OPCML: variants seen among roughly 807,000 people sequenced by gnomAD.
OPCML encodes opioid binding protein/cell adhesion molecule like.
Under a neutral mutation model 37.8 loss-of-function variants are expected in OPCML, and 13 were observed. The observed-to-expected ratio is 0.34, with a 90% CI of 0.22 to 0.55. OPCML has a LOEUF of 0.55. OPCML is among the 20% of genes least tolerant of loss of function. The pLI, the probability that OPCML is intolerant of heterozygous loss-of-function variation, is 0.91. For synonymous variants in OPCML, 176 were observed against 168.8 expected (o/e 1.04, Z -0.33); for missense variants, 341 against 435.6 (o/e 0.78, Z 1.93).
intron 1 of OPCML, among the ~76,000 whole-genome samples, chr11:133,209,651 G>A (rs1939267819): frequency 6.6e-6 from 1 of 152,128 alleles, no homozygotes; most frequent in East Asian, 1.9e-4. Flanking sequence ...TAACCACCCG[G>A]CTCCTAACAC....
At chr11:132,623,366 AAAC>A (rs975848938) in intron 3 of OPCML, among the ~76,000 whole-genome samples, 4 of 152,008 alleles carry the variant, frequency 2.6e-5, no homozygotes, top group African/African-American at 9.7e-5. Context: ...GGGACGTTAA[AAAC>A]AACAACAAAA....
intron 1 of OPCML, among the ~76,000 whole-genome samples, chr11:133,089,066 T>C (rs1021673442): frequency 1.3e-5 from 2 of 152,186 alleles, no homozygotes; most frequent in African/African-American, 2.4e-5. Context: ...ATTTGACCCA[T>C]AATATAGAAT....
At chr11:132,634,041 G>A (rs1940326986) in intron 3 of OPCML, among the ~76,000 whole-genome samples, 1 of 152,144 alleles carries the variant, frequency 6.6e-6, no homozygotes, top group Non-Finnish European at 1.5e-5. Flanking sequence ...TACAGACACA[G>A]CAGTATTTAG....
At chr11:132,569,299 C>G (rs957860610) in intron 3 of OPCML, among the ~76,000 whole-genome samples, 4 of 152,180 alleles carry the variant, frequency 2.6e-5, no homozygotes, top group Non-Finnish European at 4.4e-5. Context: ...CCATGAGGCG[C>G]AGGGAGAAGA....
chr11:132,872,385 C>T (rs930915883), intron 2 of OPCML, among the ~76,000 whole-genome samples: 3 of 152,088 alleles, frequency 2.0e-5, no homozygotes, highest in African/African-American at 7.2e-5. Context: ...CCAAACGAAT[C>T]GCGGATCGAA....
chr11:132,755,954 G>T (rs1213962786), intron 2 of OPCML, among the ~76,000 whole-genome samples: 1 of 152,160 alleles, frequency 6.6e-6, no homozygotes, highest in African/African-American at 2.4e-5. Flanking sequence ...GCAAAAGGAA[G>T]TCTGTCCAGC....
intron 1 of OPCML, among the ~76,000 whole-genome samples, chr11:133,185,529 G>C (rs1278920731): frequency 6.6e-6 from 1 of 152,152 alleles, no homozygotes; most frequent in African/African-American, 2.4e-5. Flanking sequence ...GGGTTCGGAG[G>C]GTGAAGAACT....
chr11:133,045,439 A>G (rs1468166604), intron 1 of OPCML, among the ~76,000 whole-genome samples: 3 of 152,188 alleles, frequency 2.0e-5, no homozygotes, highest in Non-Finnish European at 2.9e-5. Flanking sequence ...ATTCCTTCCA[A>G]AGCACAAGGT....
intron 1 of OPCML, among the ~76,000 whole-genome samples, chr11:133,019,341 A>C (rs1947405592): frequency 6.6e-6 from 1 of 152,148 alleles, no homozygotes; most frequent in Admixed American, 6.5e-5. Context: ...CAGAGATAAG[A>C]TAGTTGAGGC....
rs545720729 is a variant in OPCML at position 132,524,423 on chromosome 11, G to A, written c.505+4638C>T. Among the ~76,000 whole-genome samples, 16 of 152,214 alleles carry A rather than the reference G, an allele frequency of 1.1e-4. No homozygotes were observed. The South Asian group carries it at 3.1e-3, about 30-fold the overall frequency. On this transcript the variant is annotated intron_variant, in intron 4 of 7. Transcript: ENST00000524381. Reference sequence around the variant, plus strand: ...AAGTACAGATTTCCATATGTGTGAAGGCTGCTACACAAGTACCATACCCTC... The same window carrying A: ...AAGTACAGATTTCCATATGTGTGAAAGCTGCTACACAAGTACCATACCCTC...
chr11:132,957,900 T>C (rs1946005139), intron 1 of OPCML, among the ~76,000 whole-genome samples: 1 of 152,148 alleles, frequency 6.6e-6, no homozygotes, highest in Non-Finnish European at 1.5e-5. Flanking sequence ...GGCCTCCCTG[T>C]TCCCTGAGAC....
intron 2 of OPCML, among the ~76,000 whole-genome samples, chr11:132,804,749 C>T (rs568031409): frequency 6.6e-6 from 1 of 152,140 alleles, no homozygotes; most frequent in Non-Finnish European, 1.5e-5. Flanking sequence ...GCTAGTTAGA[C>T]CAGTGTGATC....
intron 4 of OPCML, among the ~76,000 whole-genome samples, chr11:132,467,111 T>C (rs1303761816): frequency 1.3e-5 from 2 of 152,164 alleles, no homozygotes; most frequent in African/African-American, 4.8e-5. Flanking sequence ...ACGGCACCCA[T>C]TGTTGCTAGT....
intron 1 of OPCML, among the ~76,000 whole-genome samples, chr11:133,094,142 T>C (rs971560670): frequency 5.3e-5 from 8 of 152,206 alleles, no homozygotes; most frequent in Non-Finnish European, 1.0e-4. Flanking sequence ...TATAATTATG[T>C]ACCTGTACTG....
chr11:133,438,095 C>T (rs1003588632), intron 1 of OPCML, among the ~76,000 whole-genome samples: 22 of 152,134 alleles, frequency 1.4e-4, no homozygotes, highest in African/African-American at 5.1e-4. Context: ...ACTGTTGATG[C>T]TTGATGTTTT....
intron 1 of OPCML, among the ~76,000 whole-genome samples, chr11:133,037,561 A>T (rs976363562): frequency 6.6e-6 from 1 of 152,164 alleles, no homozygotes; most frequent in Non-Finnish European, 1.5e-5. Flanking sequence ...TATATATGAG[A>T]TCATTTTGCC....
chr11:133,284,074 T>G (rs571499737), intron 1 of OPCML, among the ~76,000 whole-genome samples: 1 of 152,154 alleles, frequency 6.6e-6, no homozygotes, highest in Admixed American at 6.5e-5. Flanking sequence ...AAGAGGTCAA[T>G]ATATTGAGCC....
At position 132,765,668 on chromosome 11, in the gene OPCML, G is replaced by T. The variant is rs1313284535; in HGVS notation, c.147-108349C>A. 2.6e-5 allele frequency among the ~76,000 whole-genome samples: 4 copies of T among 152,166 alleles called. 1 individual carries two copies. The East Asian group carries it at 7.7e-4, about 29-fold the overall frequency. On this transcript the variant is annotated intron_variant, in intron 2 of 7. Coordinates refer to ENST00000524381, the MANE Select transcript of OPCML (RefSeq NM_001012393.5). The stretch of plus-strand genomic sequence containing the variant: ...TATAACAGTCTTTTTCATCAATGAG[G>T]AATATGAGTGTGATGGTGATGGCAG...
chr11:133,071,334 G>T (rs752341976), intron 1 of OPCML, among the ~76,000 whole-genome samples: 2 of 152,168 alleles, frequency 1.3e-5, no homozygotes, highest in Non-Finnish European at 2.9e-5. Context: ...CAACATTTGG[G>T]TGTGTGGTGG....
Sources: allele counts gnomAD v4.1 joint callset (sites outside exome capture counted in the v4.1 genomes callset), GRCh38; gene constraint gnomAD v4.1.1; transcripts MANE v1.5; gene names NCBI Gene and HGNC (gene_info 2026-07-23, HGNC 2026-07-21).